CCNY: variants seen among roughly 807,000 people sequenced by gnomAD.
CCNY encodes cyclin Y.
CCNY carries 19 observed loss-of-function variants against 42.8 expected under a neutral mutation model. The observed-to-expected ratio is 0.44, with a 90% CI of 0.31 to 0.65. The LOEUF (loss-of-function observed/expected upper bound fraction) is 0.65. Among genes scored for constraint, CCNY ranks in the 30% least tolerant of loss-of-function variants. The pLI, the probability that CCNY is intolerant of heterozygous loss-of-function variation, is 0.07. For missense variants in CCNY, 370 were observed against 437.3 expected, an observed-to-expected ratio of 0.85 and a Z score of 1.37; for synonymous variants, 165 against 162.7, an observed-to-expected ratio of 1.01 and a Z score of -0.11.
intron 1 of CCNY, among the ~76,000 whole-genome samples, chr10:35,414,259 A>G (rs1196988521): frequency 6.6e-6 from 1 of 152,196 alleles, no homozygotes; most frequent in Non-Finnish European, 1.5e-5. Flanking sequence ...TCTCGTCTGA[A>G]GACTTGCCTG....
intron 3 of CCNY, among the ~76,000 whole-genome samples, chr10:35,259,752 T>TC (rs2095718242): frequency 6.7e-6 from 1 of 148,980 alleles, no homozygotes; most frequent in South Asian, 2.1e-4. Context: ...CCTCAAGTGA[T>TC]CCGCCTGCCT....
rs4934544 is a variant in CCNY, at chr10:35,375,730, G to T, written c.154+38523G>T. Among the ~76,000 whole-genome samples the T allele has an allele frequency of 9.6e-4, 146 of 152,098 alleles. 1 individual carries two copies. The highest frequency in any genetic ancestry group is 2.4e-3 in the Admixed American group (36 of 15,292). ...ACAGAGGGTCTACCCTTGGGATTCTGGAGCAGCACAAAACCTACAAGGAGT... is the reference window on the plus strand; with the variant it reads ...ACAGAGGGTCTACCCTTGGGATTCTTGAGCAGCACAAAACCTACAAGGAGT... On this transcript the variant is annotated intron_variant, in intron 1 of 9. Coordinates refer to ENST00000374704, the MANE Select transcript of CCNY (RefSeq NM_145012.6).
At chr10:35,348,623 AG>A (rs763544536) in intron 1 of CCNY, among the ~76,000 whole-genome samples, 1 of 152,242 alleles carries the variant, frequency 6.6e-6, no homozygotes, top group Admixed American at 6.5e-5. Context: ...GGGATGAGTC[AG>A]GGAGGACCCC....
chr10:35,384,524 G>A (rs887475515), intron 1 of CCNY, among the ~76,000 whole-genome samples: 1 of 152,236 alleles, frequency 6.6e-6, no homozygotes, highest in Non-Finnish European at 1.5e-5. Flanking sequence ...GCATGACTTA[G>A]CTTTCAGCTT....
intron 1 of CCNY, among the ~76,000 whole-genome samples, chr10:35,389,357 TAGTA>T (rs1837363392): frequency 6.6e-6 from 1 of 152,140 alleles, no homozygotes; most frequent in Non-Finnish European, 1.5e-5. Context: ...ATATGGTGCT[TAGTA>T]AGTGTTTGCT....
intron 1 of CCNY, among the ~76,000 whole-genome samples, chr10:35,476,470 G>A (rs936662598): frequency 1.3e-5 from 2 of 152,122 alleles, no homozygotes; most frequent in African/African-American, 4.8e-5. Flanking sequence ...TAGAACTCAG[G>A]ATTAAGAATC....
chr10:35,516,441 TCA>T, intron 3 of CCNY, 80 bp from the exon 4 acceptor site: 1 of 913,922 alleles, frequency 1.1e-6, no homozygotes, highest in Non-Finnish European at 1.8e-6. Context: ...TGGTCTTATC[TCA>T]AGTTAAGCGG....
intron 4 of CCNY, among the ~76,000 whole-genome samples, chr10:35,519,964 G>A (rs1447168926): frequency 2.0e-5 from 3 of 151,666 alleles, no homozygotes; most frequent in African/African-American, 7.3e-5. Flanking sequence ...TTTTTGTAGA[G>A]ACATTTGTTT....
chr10:35,495,096 A>C (rs1416014434), intron 2 of CCNY, among the ~76,000 whole-genome samples: 1 of 152,200 alleles, frequency 6.6e-6, no homozygotes, highest in African/African-American at 2.4e-5. Flanking sequence ...AAATATCCTA[A>C]ATCCACAATA....
At chr10:35,410,753 C>T (rs1837885573) in intron 1 of CCNY, among the ~76,000 whole-genome samples, 1 of 152,170 alleles carries the variant, frequency 6.6e-6, no homozygotes, top group Non-Finnish European at 1.5e-5. Context: ...GCAAGTGCAC[C>T]AGAGCTCTGC....
intron 1 of CCNY, among the ~76,000 whole-genome samples, chr10:35,386,929 A>C (rs998601225): frequency 1.3e-5 from 2 of 152,162 alleles, no homozygotes; most frequent in African/African-American, 4.8e-5. Context: ...GCAGTGGCCC[A>C]AATGCAGTGC....
intron 1 of CCNY, among the ~76,000 whole-genome samples, chr10:35,421,479 A>G (rs1305406644): frequency 6.6e-6 from 1 of 152,188 alleles, no homozygotes; most frequent in Non-Finnish European, 1.5e-5. Context: ...CCCCCGACCC[A>G]GGGAACACAG....
intron 1 of CCNY, among the ~76,000 whole-genome samples, chr10:35,428,124 A>C (rs1417794943): frequency 6.6e-6 from 1 of 152,216 alleles, no homozygotes; most frequent in Non-Finnish European, 1.5e-5. Context: ...ACTGCATAGC[A>C]GGCATTGAGT....
At chr10:35,259,079 C>T (rs148455999) in intron 3 of CCNY, among the ~76,000 whole-genome samples, 107 of 152,236 alleles carry the variant, frequency 7.0e-4, no homozygotes, top group African/African-American at 2.2e-3. Flanking sequence ...CTGAAAGCTG[C>T]AAGTCTTCAA....
intron 1 of CCNY, among the ~76,000 whole-genome samples, chr10:35,482,749 GGTGTGTGTGTGTGT>G (rs56033862): frequency 0.021 from 2,703 of 128,930 alleles, 27 homozygotes; most frequent in Non-Finnish European, 0.023. Flanking sequence ...GCTGGAAATA[GGTGTGTGTGTGTGT>G]GTGTGTGTGT....
At chr10:35,454,329 G>C (rs2135318317) in intron 1 of CCNY, among the ~76,000 whole-genome samples, 1 of 152,328 alleles carries the variant, frequency 6.6e-6, no homozygotes, top group African/African-American at 2.4e-5. Context: ...CCAGAAGAGA[G>C]GCACATGATC....
At chr10:35,482,792 G>GTGTTA (rs1554793745) in intron 1 of CCNY, among the ~76,000 whole-genome samples, 1 of 130,430 alleles carries the variant, frequency 7.7e-6, no homozygotes, top group African/African-American at 2.8e-5. Flanking sequence ...GTGTGTGTGT[G>GTGTTA]TGTGTGTGTT....
chr10:35,539,570 C>T lies in CCNY; in HGVS notation c.579+9327C>T, dbSNP rs545281706. Among the ~76,000 whole-genome samples, 592 of 152,178 alleles carry T rather than the reference C, an allele frequency of 3.9e-3. 5 individuals are homozygous for T. The highest frequency in any genetic ancestry group is 0.014 in the African/African-American group (572 of 41,518). Reference sequence around the variant, plus strand: ...TTGGGAGGCTGAGGAGGGTGGGTCACGAGGTCAAGAGATCGAGACCATCCT... The same window carrying T: ...TTGGGAGGCTGAGGAGGGTGGGTCATGAGGTCAAGAGATCGAGACCATCCT... On this transcript the variant is annotated intron_variant, in intron 7 of 9. Coordinates refer to ENST00000374704, the MANE Select transcript of CCNY (RefSeq NM_145012.6).
intron 1 of CCNY, among the ~76,000 whole-genome samples, chr10:35,466,873 A>G (rs1381693496): frequency 1.3e-5 from 2 of 152,242 alleles, no homozygotes; most frequent in African/African-American, 2.4e-5. Flanking sequence ...CATGGGGTCA[A>G]GCGATCCTCC....
Sources: gnomAD v4.1 joint callset for allele counts (sites outside exome capture counted in the v4.1 genomes callset) on GRCh38, gnomAD v4.1.1 for gene constraint, MANE v1.5 for transcripts, NCBI Gene and HGNC (gene_info 2026-07-23, HGNC 2026-07-21) for gene names.